The following MACROD2 variants were observed in gnomAD, a reference collection of about 807,000 sequenced individuals.
MACROD2 encodes the protein ADP-ribose glycohydrolase MACROD2.
Under a neutral mutation model 70.4 loss-of-function variants are expected in MACROD2, and 36 were observed. That is an observed-to-expected ratio of 0.51 (90% CI 0.39 to 0.68). The LOEUF (loss-of-function observed/expected upper bound fraction) is 0.68, where lower values mean the gene tolerates loss of function less well. Ranked by LOEUF, MACROD2 falls within the 30% of genes least tolerant of loss-of-function variation. The pLI is 0.00. For missense variants in MACROD2, 496 were observed against 538.4 expected, an observed-to-expected ratio of 0.92 and a Z score of 0.78; for synonymous variants, 172 against 178.8, an observed-to-expected ratio of 0.96 and a Z score of 0.30.
In MACROD2 at chr20:15,327,553, C is replaced by T. The variant is rs573808583; in HGVS notation, c.540+97492C>T. ...TGCCAAGCAAAAGGGGGAAAAGCCC[C>T]TTATAAAACCCTCAGATCTCACGAG... On this transcript the variant is annotated intron_variant, in intron 6 of 17. Transcript: ENST00000684519. Among the ~76,000 whole-genome samples, 257 of 152,190 alleles carry T rather than the reference C, an allele frequency of 1.7e-3. 2 individuals are homozygous for T. The highest frequency in any genetic ancestry group is 3.4e-3 in the Middle Eastern group (1 of 294).
At chr20:14,169,102 A>G (rs1460868693) in intron 3 of MACROD2, among the ~76,000 whole-genome samples, 1 of 152,186 alleles carries the variant, frequency 6.6e-6, no homozygotes, top group African/African-American at 2.4e-5. Context: ...AAGAACAAAA[A>G]TCCCTTGATC....
chr20:14,174,745 C>A (rs1231852217), intron 3 of MACROD2, among the ~76,000 whole-genome samples: 1 of 152,182 alleles, frequency 6.6e-6, no homozygotes, highest in East Asian at 1.9e-4. Flanking sequence ...CTGGAAGTTT[C>A]CTTCTTCCTA....
At chr20:14,930,520 A>G (rs1422490186) in intron 5 of MACROD2, among the ~76,000 whole-genome samples, 2 of 152,098 alleles carry the variant, frequency 1.3e-5, no homozygotes, top group African/African-American at 2.4e-5. Flanking sequence ...TTACTTTAGC[A>G]TTTCATCTAT....
chr20:14,635,229 A>T (rs543215894), intron 4 of MACROD2, among the ~76,000 whole-genome samples: 1 of 152,290 alleles, frequency 6.6e-6, no homozygotes, highest in South Asian at 2.1e-4. Flanking sequence ...GCACTCTGGC[A>T]TTGTCCTAGT....
At chr20:14,625,185 G>A (rs764210635) in intron 4 of MACROD2, among the ~76,000 whole-genome samples, 22 of 151,984 alleles carry the variant, frequency 1.4e-4, no homozygotes, top group Non-Finnish European at 2.8e-4. Flanking sequence ...TAATTAGCTA[G>A]GCATGGTGGC....
intron 6 of MACROD2, among the ~76,000 whole-genome samples, chr20:15,351,223 C>T (rs2078223700): frequency 1.3e-5 from 2 of 152,120 alleles, no homozygotes; most frequent in Admixed American, 6.6e-5. Flanking sequence ...ACCCCTAAAT[C>T]TCTAAGGCTG....
Position 14,702,579 on chromosome 20 carries a change from ATATATATGTATATATATGTGTG to A in MACROD2, c.418+17628_418+17649del, listed in dbSNP as rs1486557768. Among the ~76,000 whole-genome samples the A allele has an allele frequency of 8.5e-3, 19 of 2,244 alleles. No homozygotes were observed. In the South Asian group the frequency reaches 0.12, roughly 15 times the overall value. The allele number at this position is 2,244 out of a possible 152,430, so 1.5% of individuals were successfully genotyped here. A position where few individuals can be genotyped will look rare whatever the true frequency, so the allele number is the denominator to read the frequency against. Reference sequence around the variant, plus strand: ...TATATATATATACACATATATGTGTATATATATGTATATATATGTGTGTATATATATGTGTATATATATATAC... The same window carrying A: ...TATATATATATACACATATATGTGTATATATATATGTGTATATATATATAC... On this transcript the variant is annotated intron_variant, in intron 5 of 17. Transcript: ENST00000684519.
At chr20:15,295,260 CTT>C (rs2077575684) in intron 6 of MACROD2, among the ~76,000 whole-genome samples, 1 of 152,178 alleles carries the variant, frequency 6.6e-6, no homozygotes, top group South Asian at 2.1e-4. Context: ...CATTAAACCT[CTT>C]TTTCTTTAGA....
intron 5 of MACROD2, among the ~76,000 whole-genome samples, chr20:15,091,058 G>A (rs181054999): frequency 5.9e-5 from 9 of 152,034 alleles, no homozygotes; most frequent in African/African-American, 1.9e-4. Context: ...AACCAAGGAT[G>A]AGGTGTAAAT....
At chr20:15,490,229 CTTCCTCCCT>C (rs2047214187) in intron 7 of MACROD2, among the ~76,000 whole-genome samples, 3 of 100,638 alleles carry the variant, frequency 3.0e-5, no homozygotes, top group Non-Finnish European at 6.5e-5. Flanking sequence ...TCCTCCCTTC[CTTCCTCCCT>C]TCCCTTCCCT....
intron 6 of MACROD2, among the ~76,000 whole-genome samples, chr20:15,253,372 C>T (rs1333036314): frequency 6.6e-6 from 1 of 152,170 alleles, no homozygotes; most frequent in African/African-American, 2.4e-5. Flanking sequence ...GTCTATAGTT[C>T]AGAAGATTGA....
intron 5 of MACROD2, among the ~76,000 whole-genome samples, chr20:14,814,145 T>TTG (rs1388821012): frequency 3.8e-4 from 58 of 152,262 alleles, no homozygotes; most frequent in African/African-American, 1.0e-3. Flanking sequence ...TCTTTAAACA[T>TTG]CAGAATGGAG....
intron 7 of MACROD2, among the ~76,000 whole-genome samples, chr20:15,440,932 A>T (rs2046487357): frequency 6.6e-6 from 1 of 152,186 alleles, no homozygotes; most frequent in Non-Finnish European, 1.5e-5. Flanking sequence ...ATCTTGTCAA[A>T]TTATTCCCAC....
chr20:14,670,588 G>A (rs1357643095), intron 4 of MACROD2, among the ~76,000 whole-genome samples: 1 of 152,124 alleles, frequency 6.6e-6, no homozygotes, highest in African/African-American at 2.4e-5. Context: ...GAATGTCAAG[G>A]AATATGTCTC....
rs536288457 is a variant in MACROD2 at position 15,746,562 on chromosome 20, T to TAAAAAA, written c.646-116168_646-116163dup. Among the ~76,000 whole-genome samples the TAAAAAA allele has an allele frequency of 4.7e-5, 5 of 107,096 alleles. 2 individuals are homozygous for TAAAAAA. The highest frequency in any genetic ancestry group is 1.0e-4 in the African/African-American group (3 of 29,782). 70.3% of individuals were successfully genotyped at this position (107,096 alleles called of 152,430 possible). A position where few individuals can be genotyped will look rare whatever the true frequency, so the allele number is the denominator to read the frequency against. The stretch of plus-strand genomic sequence containing the variant: ...TTTGGCATGGTTGTTTGGTTTCCAG[T>TAAAAAA]AAAAAAAAAAAAAAAAAAAAGAAAC... On this transcript the variant is annotated intron_variant, in intron 8 of 17. Transcript: ENST00000684519.
At chr20:14,569,567 C>T (rs1212578162) in intron 4 of MACROD2, among the ~76,000 whole-genome samples, 1 of 151,812 alleles carries the variant, frequency 6.6e-6, no homozygotes, top group Non-Finnish European at 1.5e-5. Context: ...ATTTAGGTCC[C>T]CCCACCTTTT....
At chr20:15,303,211 C>T (rs1600219792) in intron 6 of MACROD2, among the ~76,000 whole-genome samples, 2 of 152,140 alleles carry the variant, frequency 1.3e-5, no homozygotes, top group African/African-American at 2.4e-5. Flanking sequence ...TTTACAGTCT[C>T]TATTCTGTTA....
chr20:15,525,428 G>T (rs2047709047), intron 8 of MACROD2, among the ~76,000 whole-genome samples: 1 of 152,100 alleles, frequency 6.6e-6, no homozygotes, highest in South Asian at 2.1e-4. Context: ...TCCAGTGTAG[G>T]CAAAACATCA....
At chr20:14,049,210 TAACAGCATTAGGTATTAAGA>T (rs1383475825) in intron 2 of MACROD2, among the ~76,000 whole-genome samples, 11 of 128,058 alleles carry the variant, frequency 8.6e-5, no homozygotes, top group East Asian at 2.4e-4. Flanking sequence ...AAAAAGCCTA[TAACAGCATTAGGTATTAAGA>T]AGGGTGACAT....
Sources: gnomAD v4.1 joint callset for allele counts (sites outside exome capture counted in the v4.1 genomes callset) on GRCh38, gnomAD v4.1.1 for gene constraint, MANE v1.5 for transcripts, NCBI Gene and HGNC (gene_info 2026-07-23, HGNC 2026-07-21) for gene names.